The following ARHGEF4 variants were observed in gnomAD, a reference collection of about 807,000 sequenced individuals.
ARHGEF4 encodes the protein Rho guanine nucleotide exchange factor 4.
Under a neutral mutation model 162.0 loss-of-function variants are expected in ARHGEF4, and 119 were observed. The ratio of observed to expected loss-of-function variants is 0.73; its 90% CI spans 0.63 to 0.86. The LOEUF is 0.86. ARHGEF4 is among the 40% of genes least tolerant of loss of function. The pLI is 0.00. For synonymous variants in ARHGEF4, 1,014 were observed against 979.9 expected, an observed-to-expected ratio of 1.03 and a Z score of -0.65; for missense variants, 2,488 against 2,456.0, an observed-to-expected ratio of 1.01 and a Z score of -0.28.
chr2:130,916,406 G>A lies in ARHGEF4; in HGVS notation c.2460G>A (p.Glu820=). The stretch of plus-strand genomic sequence containing the variant: ...GAGGGGTCCCGGCCCCGACCACCGA[G>A]GGTCGCCGCTGGGGCTCTTCAGGCC... ...SPGGVPAPTT[E]GRRWGSSGPE... The change falls in exon 2 of 14, where the codon GAG becomes GAA. Residue 820 remains glutamate (E), a synonymous_variant. Transcript: ENST00000409359. 6.5e-7 allele frequency: 1 copy of A among 1,529,396 alleles called. No homozygotes were observed. Among genetic ancestry groups the A allele is most frequent in the Non-Finnish European group, 8.8e-7 (1 of 1,141,600 alleles). The allele number at this position is 1,529,396 out of a possible 1,614,324, so 94.7% of individuals were successfully genotyped here.
intron 4 of ARHGEF4, among the ~76,000 whole-genome samples, chr2:130,958,949 T>A (rs1342515397): frequency 6.6e-6 from 1 of 150,902 alleles, no homozygotes; most frequent in Non-Finnish European, 1.5e-5. Context: ...TTTCTTTCTT[T>A]TTTTTTTTTT....
rs1689924153 is a variant in ARHGEF4 at position 131,032,587 on chromosome 2, C to T, written c.4125+4503C>T. Among the ~76,000 whole-genome samples, 6 of 152,070 alleles carry T rather than the reference C, an allele frequency of 3.9e-5. No homozygotes were observed. The South Asian group carries it at 1.2e-3, about 32-fold the overall frequency. ...CACAGTCCCTTGGGGCCACTGCTGC[C>T]ACTTTTGCGCAGGGCTGCAAGGTCA... On this transcript the variant is annotated intron_variant, in intron 5 of 13. Coordinates refer to ENST00000409359, the MANE Select transcript of ARHGEF4 (RefSeq NM_001367493.1).
intron 1 of ARHGEF4, among the ~76,000 whole-genome samples, chr2:130,886,170 C>T (rs1041721613): frequency 6.4e-4 from 98 of 152,086 alleles, no homozygotes; most frequent in African/African-American, 2.2e-3. Flanking sequence ...TTGGTGCTTA[C>T]CCAATTTGGC....
rs1453217984 is a variant in ARHGEF4 at position 130,915,861 on chromosome 2, A to G, written c.1915A>G (p.Lys639Glu). The G allele has an allele frequency of 6.5e-7, 1 of 1,545,524 alleles. No homozygotes were observed. The highest frequency in any genetic ancestry group is 2.4e-5 in the East Asian group (1 of 40,844). ...CCTCATCATTGTAGCTGTGGAGCAGAAAGGTCTTCAGGCCAGCAGGAGCAA... is the reference window on the plus strand; with the variant it reads ...CCTCATCATTGTAGCTGTGGAGCAGGAAGGTCTTCAGGCCAGCAGGAGCAA... Reference protein sequence around the residue: ...GALIIVAVEQKGLQASRSNAG... With the variant: ...GALIIVAVEQEGLQASRSNAG... Residue 639 changes from lysine to glutamate, a missense_variant, in exon 2 of 14, where the codon AAA becomes GAA. Around this residue, in one of 6 missense-constraint regions of ARHGEF4, gnomAD observed 1,642 missense variants for 1,481.5 expected, o/e 1.11. Coordinates refer to ENST00000409359, the MANE Select transcript of ARHGEF4 (RefSeq NM_001367493.1).
At chr2:130,900,045 G>A (rs559496458) in intron 1 of ARHGEF4, among the ~76,000 whole-genome samples, 23 of 151,928 alleles carry the variant, frequency 1.5e-4, no homozygotes, top group Middle Eastern at 3.4e-3. Context: ...TTGTTTTTCT[G>A]TTGTTGATTT....
chr2:130,918,040 T>G (rs535934282), intron 2 of ARHGEF4, among the ~76,000 whole-genome samples: 1 of 152,278 alleles, frequency 6.6e-6, no homozygotes, highest in South Asian at 2.1e-4. Flanking sequence ...CAGGCTGGTC[T>G]TGAACTCCTG....
intron 7 of ARHGEF4, 32 bp downstream of exon 7, chr2:131,040,224 A>T: frequency 6.2e-7 from 1 of 1,608,924 alleles, no homozygotes; most frequent in Non-Finnish European, 8.5e-7. Flanking sequence ...GTGACTGGGG[A>T]CCCGGTCGGG....
intron 4 of ARHGEF4, among the ~76,000 whole-genome samples, chr2:130,958,867 T>C (rs1352871702): frequency 2.0e-5 from 3 of 152,122 alleles, no homozygotes; most frequent in East Asian, 3.9e-4. Flanking sequence ...TTCTCTAGTA[T>C]TGGTCATTTC....
At chr2:130,882,386 C>A (rs942261868) in intron 1 of ARHGEF4, among the ~76,000 whole-genome samples, 1 of 152,048 alleles carries the variant, frequency 6.6e-6, no homozygotes, top group African/African-American at 2.4e-5. Flanking sequence ...CGCCCGTGGT[C>A]AGGTTCCAGG....
At chr2:131,011,965 G>A in intron 4 of ARHGEF4, 1 of 697,116 alleles carries the variant, frequency 1.4e-6, no homozygotes, top group Admixed American at 2.0e-5. Context: ...TAAAGGTAGG[G>A]CTAGCTGATG....
At chr2:130,898,452 A>G (rs916283950) in intron 1 of ARHGEF4, among the ~76,000 whole-genome samples, 1 of 152,192 alleles carries the variant, frequency 6.6e-6, no homozygotes. Context: ...AGTGCCAAGC[A>G]CAGGGCCTGG....
chr2:130,869,251 TGAG>T (rs1682513009), intron 1 of ARHGEF4, among the ~76,000 whole-genome samples: 1 of 152,024 alleles, frequency 6.6e-6, no homozygotes, highest in Non-Finnish European at 1.5e-5. Flanking sequence ...GTTGGGAAGC[TGAG>T]AAGTAATCTG....
At chr2:130,902,489 G>A (rs1680539959) in intron 1 of ARHGEF4, among the ~76,000 whole-genome samples, 1 of 152,064 alleles carries the variant, frequency 6.6e-6, no homozygotes, top group Non-Finnish European at 1.5e-5. Context: ...AGCTACTCGG[G>A]AGGCTGTGGT....
intron 4 of ARHGEF4, among the ~76,000 whole-genome samples, chr2:130,973,509 A>C (rs767432435): frequency 6.6e-6 from 1 of 152,166 alleles, no homozygotes; most frequent in African/African-American, 2.4e-5. Flanking sequence ...ATAAATAAAT[A>C]AAATAAATGA....
At chr2:130,942,240 C>G (rs577613729) in intron 3 of ARHGEF4, among the ~76,000 whole-genome samples, 1 of 149,344 alleles carries the variant, frequency 6.7e-6, no homozygotes, top group Non-Finnish European at 1.5e-5. Flanking sequence ...ACCTCCTCCT[C>G]CCGGGTTCAT....
chr2:130,969,284 T>G (rs1476907439), intron 4 of ARHGEF4, among the ~76,000 whole-genome samples: 1 of 152,128 alleles, frequency 6.6e-6, no homozygotes, highest in Non-Finnish European at 1.5e-5. Flanking sequence ...GTACCACTTT[T>G]GCACCGTCGT....
At chr2:131,007,537 A>G (rs537842355) in intron 4 of ARHGEF4, among the ~76,000 whole-genome samples, 1 of 152,252 alleles carries the variant, frequency 6.6e-6, no homozygotes, top group East Asian at 1.9e-4. Flanking sequence ...AAGCTAATAT[A>G]TTCATCTTGG....
intron 1 of ARHGEF4, among the ~76,000 whole-genome samples, chr2:130,866,829 A>G (rs1023895642): frequency 2.0e-5 from 3 of 152,202 alleles, no homozygotes; most frequent in South Asian, 4.1e-4. Context: ...GTTGGTGTGT[A>G]GTTTTTCTTT....
intron 1 of ARHGEF4, among the ~76,000 whole-genome samples, chr2:130,851,288 G>A (rs1306598854): frequency 6.6e-6 from 1 of 152,244 alleles, no homozygotes; most frequent in African/African-American, 2.4e-5. Flanking sequence ...TGTTGGTGGC[G>A]CCAACTGTCA....
Sources: gnomAD v4.1 joint callset for allele counts (sites outside exome capture counted in the v4.1 genomes callset) on GRCh38, gnomAD v4.1.1 for gene constraint, gnomAD v4.1.1 regional missense constraint, MANE v1.5 for transcripts, NCBI Gene and HGNC (gene_info 2026-07-23, HGNC 2026-07-21) for gene names.